The following PRICKLE2 variants were observed in gnomAD, a reference collection of about 807,000 sequenced individuals.
PRICKLE2 encodes prickle-like protein 2.
In PRICKLE2, 21 loss-of-function variants were observed where a neutral mutation model predicts 81.4. The observed-to-expected ratio is 0.26, with a 90% CI of 0.18 to 0.37. The LOEUF (loss-of-function observed/expected upper bound fraction) is 0.37, where lower values mean the gene tolerates loss of function less well. Among genes scored for constraint, PRICKLE2 ranks in the 10% least tolerant of loss-of-function variants. The pLI is 1.00. For missense variants in PRICKLE2, 940 were observed against 1,109.0 expected, an observed-to-expected ratio of 0.85 and a Z score of 2.16; for synonymous variants, 456 against 421.5, an observed-to-expected ratio of 1.08 and a Z score of -1.00.
chr3:64,157,556 C>T (rs1474798435), intron 4 of PRICKLE2, among the ~76,000 whole-genome samples, 191 bp from the exon 5 acceptor site: 1 of 152,196 alleles, frequency 6.6e-6, no homozygotes, highest in Admixed American at 6.5e-5. Context: ...TTTCCTAAGG[C>T]TTACAAATAA....
upstream of PRICKLE2, chr3:64,225,542 G>T: frequency 1.5e-6 from 1 of 669,128 alleles, no homozygotes; most frequent in Non-Finnish European, 1.8e-6. Context: ...CCATCCTGCT[G>T]CCCAGTGCTG....
chr3:64,235,544 C>A (rs769315786), intron 2 of PRICKLE2, among the ~76,000 whole-genome samples: 10 of 152,110 alleles, frequency 6.6e-5, no homozygotes, highest in Non-Finnish European at 1.5e-5. Context: ...CCTTCTGGAG[C>A]TTTTTGTTGT....
intron 2 of PRICKLE2, among the ~76,000 whole-genome samples, chr3:64,252,418 G>A (rs1211563259): frequency 6.6e-6 from 1 of 152,190 alleles, no homozygotes; most frequent in Non-Finnish European, 1.5e-5. Flanking sequence ...TGGGTGAACT[G>A]TTGGAGAAAA....
At chr3:64,264,439 A>G (rs974783407) in intron 2 of PRICKLE2, among the ~76,000 whole-genome samples, 1 of 152,228 alleles carries the variant, frequency 6.6e-6, no homozygotes, top group African/African-American at 2.4e-5. Flanking sequence ...TATGCACTAT[A>G]AAGTCTGAGA....
chr3:64,142,526 G>C (rs984802696), intron 7 of PRICKLE2, among the ~76,000 whole-genome samples: 1 of 152,080 alleles, frequency 6.6e-6, no homozygotes, highest in Non-Finnish European at 1.5e-5. Flanking sequence ...GGCAAGGCTG[G>C]TCTTGAACTT....
upstream of PRICKLE2, among the ~76,000 whole-genome samples, chr3:64,229,497 T>C (rs974369793): frequency 2.0e-5 from 3 of 152,186 alleles, no homozygotes; most frequent in Non-Finnish European, 4.4e-5. Context: ...AATTCCTCTT[T>C]AGGTCATTTA....
intron 2 of PRICKLE2, among the ~76,000 whole-genome samples, chr3:64,194,964 C>T (rs2078422298): frequency 6.6e-6 from 1 of 152,120 alleles, no homozygotes; most frequent in Admixed American, 6.5e-5. Context: ...TTCCCTTGAG[C>T]CCAGGAGTTC....
chr3:64,157,334 G>A lies in PRICKLE2; in HGVS notation c.428C>T (p.Ala143Val). 6.2e-7 allele frequency: 1 copy of A among 1,613,644 alleles called. No individual in the cohort carries two copies. The highest frequency in any genetic ancestry group is 8.5e-7 in the Non-Finnish European group (1 of 1,180,044). ...GTGGCCAGCGCGTGACGCAAACACA[G>A]CGATGTCTCCACCATTGATCTGGCC... ...CGGQINGGDI[A>V]VFASRAGHGV... is the part of the protein sequence containing the mutation. Residue 143 changes from alanine (A) to valine (V), a missense_variant, in exon 5 of 8, where the codon GCT becomes GTT. Physicochemically the swap from Ala to Val is moderately conservative, Grantham distance 64. This residue lies in a region of PRICKLE2 where 270 missense variants were observed against 391.8 expected (regional missense o/e 0.69). Coordinates refer to ENST00000638394, the MANE Select transcript of PRICKLE2 (RefSeq NM_198859.4).
At chr3:64,198,672 C>A in intron 2 of PRICKLE2, 112 bp downstream of exon 2, 1 of 1,188,898 alleles carries the variant, frequency 8.4e-7, no homozygotes, top group Non-Finnish European at 1.3e-6. Context: ...TTAGCCCTAC[C>A]ACTTCTCTGA....
intron 7 of PRICKLE2, among the ~76,000 whole-genome samples, chr3:64,118,435 G>T (rs567009780): frequency 9.9e-5 from 15 of 152,188 alleles, no homozygotes; most frequent in Admixed American, 6.5e-4. Flanking sequence ...GAACATTTCT[G>T]CAAACTAAGC....
rs1334819556 is a variant in PRICKLE2 at position 64,096,584 on chromosome 3, T to C, written c.*2467A>G. ...GAATTGAGGGAGGTAATCTTGCTAG[T>C]AGACAGTTTTACCCTGAAGCTTGTA... On this transcript the variant is annotated 3_prime_UTR_variant, in exon 8 of 8. Transcript: ENST00000638394. 2 of 152,196 alleles carry C rather than the reference T, an allele frequency of 1.3e-5. No individual in the cohort carries two copies. Among genetic ancestry groups the C allele is most frequent in the East Asian group, 1.9e-4 (1 of 5,178 alleles). 9.4% of individuals were successfully genotyped at this position (152,196 alleles called of 1,614,324 possible).
intron 2 of PRICKLE2, among the ~76,000 whole-genome samples, chr3:64,177,664 T>C (rs187681135): frequency 4.5e-4 from 69 of 152,352 alleles, no homozygotes; most frequent in Non-Finnish European, 7.1e-4. Flanking sequence ...AGTGGAATCA[T>C]GCAATATTCG....
chr3:64,229,777 T>G (rs139278085), upstream of PRICKLE2, among the ~76,000 whole-genome samples: 7 of 152,354 alleles, frequency 4.6e-5, no homozygotes, highest in East Asian at 9.6e-4. Context: ...TTTAAATATT[T>G]TACTCAAGAG....
chr3:64,207,856 T>C (rs1256637304), intron 1 of PRICKLE2, among the ~76,000 whole-genome samples: 1 of 152,214 alleles, frequency 6.6e-6, no homozygotes, highest in African/African-American at 2.4e-5. Flanking sequence ...CTTTGTACGC[T>C]AGTCATATAA....
chr3:64,264,699 C>T (rs1036533744), intron 2 of PRICKLE2, among the ~76,000 whole-genome samples: 2 of 152,152 alleles, frequency 1.3e-5, no homozygotes, highest in African/African-American at 4.8e-5. Context: ...TTACAGCAGC[C>T]TGGGTGAATG....
At chr3:64,246,188 G>T (rs1195829077) in intron 2 of PRICKLE2, among the ~76,000 whole-genome samples, 3 of 152,270 alleles carry the variant, frequency 2.0e-5, no homozygotes, top group Non-Finnish European at 4.4e-5. Context: ...GTTGCAGTGA[G>T]CTGAGATCAT....
intron 2 of PRICKLE2, among the ~76,000 whole-genome samples, chr3:64,164,151 A>G (rs944775932): frequency 4.6e-5 from 7 of 152,050 alleles, no homozygotes; most frequent in African/African-American, 1.7e-4. Context: ...GGCGGGCGGG[A>G]GAACCACCTG....
In PRICKLE2 at chr3:64,157,291, C is replaced by A. The variant is rs777067889; in HGVS notation, c.471G>T (p.Pro157=). ...SRAGHGVCWH[P]PCFVCTVCNE... ...TGCAGACAGTGCATACGAAGCACGG[C>A]GGGTGCCAGCAAACGCCGTGGCCAG... The change falls in exon 5 of 8, where the codon CCG becomes CCT. Residue 157 remains proline, a synonymous_variant. Coordinates refer to ENST00000638394, the MANE Select transcript of PRICKLE2 (RefSeq NM_198859.4). 6.2e-7 allele frequency: 1 copy of A among 1,614,160 alleles called. No individual in the cohort carries two copies. Among genetic ancestry groups the A allele is most frequent in the Non-Finnish European group, 8.5e-7 (1 of 1,180,034 alleles).
Position 64,166,664 on chromosome 3 carries a change from G to C in PRICKLE2, c.145-3535C>G, listed in dbSNP as rs79920492. On this transcript the variant is annotated intron_variant, in intron 2 of 7. Coordinates refer to ENST00000638394, the MANE Select transcript of PRICKLE2 (RefSeq NM_198859.4). ...TCACAAGGTAACTAATAATTTGATG[G>C]ATGACTTAAGAACTTACCTAGGTAG... 3.0e-3 allele frequency among the ~76,000 whole-genome samples: 459 copies of C among 152,208 alleles called. 2 individuals are homozygous for C. The highest frequency in any genetic ancestry group is 0.01 in the African/African-American group (432 of 41,518).
Sources: gnomAD v4.1 joint callset for allele counts (sites outside exome capture counted in the v4.1 genomes callset) on GRCh38, gnomAD v4.1.1 for gene constraint, gnomAD v4.1.1 regional missense constraint, MANE v1.5 for transcripts, NCBI Gene and HGNC (gene_info 2026-07-23, HGNC 2026-07-21) for gene names.